IL1RAPL1: variants seen among roughly 807,000 people sequenced by gnomAD.
IL1RAPL1 encodes the protein interleukin-1 receptor accessory protein-like 1.
IL1RAPL1 carries 3 observed loss-of-function variants against 48.4 expected under a neutral mutation model. The ratio of observed to expected loss-of-function variants is 0.06; its 90% CI spans 0.03 to 0.16. The LOEUF is 0.16. Among genes scored for constraint, IL1RAPL1 ranks in the 10% least tolerant of loss-of-function variants. IL1RAPL1 has a pLI of 1.00. For missense variants in IL1RAPL1, 349 were observed against 530.6 expected (o/e 0.66, Z 3.36); for synonymous variants, 185 against 187.7 (o/e 0.99, Z 0.12).
intron 2 of IL1RAPL1, among the ~76,000 whole-genome samples, chrX:29,175,117 G>A (rs1929988954): frequency 9.3e-6 from 1 of 107,518 alleles, no homozygotes; most frequent in Admixed American, 1.0e-4. Context: ...AAAAAAGAAA[G>A]GATCCAGGAG....
chrX:29,548,554 T>C (rs1252125651), intron 5 of IL1RAPL1, among the ~76,000 whole-genome samples: 1 of 112,278 alleles, frequency 8.9e-6, no homozygotes, highest in African/African-American at 3.2e-5. Context: ...ATAACTAATA[T>C]ATGTTTTTAA....
At chrX:29,853,921 C>A (rs1391207210) in intron 6 of IL1RAPL1, among the ~76,000 whole-genome samples, 1 of 112,029 alleles carries the variant, frequency 8.9e-6, no homozygotes, top group East Asian at 2.8e-4. Context: ...ATAGTTTGAA[C>A]TGAGCAACAA....
At chrX:28,693,964 A>C (rs1935204571) in intron 1 of IL1RAPL1, among the ~76,000 whole-genome samples, 1 of 111,798 alleles carries the variant, frequency 8.9e-6, no homozygotes, top group African/African-American at 3.2e-5. Context: ...TCTCCAAATA[A>C]TTTGTCAGGG....
At chrX:28,812,543 TTC>T (rs1048510056) in intron 2 of IL1RAPL1, among the ~76,000 whole-genome samples, 1 of 111,156 alleles carries the variant, frequency 9.0e-6, no homozygotes, top group Non-Finnish European at 1.9e-5. Context: ...AGTAATTCTT[TTC>T]TCTTTTAAAA....
intron 2 of IL1RAPL1, among the ~76,000 whole-genome samples, chrX:29,196,125 C>T (rs1165281634): frequency 1.8e-5 from 2 of 111,984 alleles, no homozygotes; most frequent in Non-Finnish European, 3.8e-5. Context: ...GCTTAAATTT[C>T]CATCCACTAA....
chrX:29,703,592 C>T (rs1005256878), intron 6 of IL1RAPL1, among the ~76,000 whole-genome samples: 1 of 111,889 alleles, frequency 8.9e-6, no homozygotes, highest in African/African-American at 3.2e-5. Context: ...ATCTGCCTGC[C>T]TTGGCCTCCC....
intron 2 of IL1RAPL1, among the ~76,000 whole-genome samples, chrX:28,831,965 A>G (rs747320279): frequency 9.0e-6 from 1 of 111,253 alleles, no homozygotes; most frequent in South Asian, 3.7e-4. Flanking sequence ...ATTCTTTTTT[A>G]TTATTATTTT....
At chrX:29,033,568 A>G (rs1926666462) in intron 2 of IL1RAPL1, among the ~76,000 whole-genome samples, 1 of 111,358 alleles carries the variant, frequency 9.0e-6, no homozygotes, top group Non-Finnish European at 1.9e-5. Flanking sequence ...TCTTTGAATG[A>G]CATTCTTTAA....
In IL1RAPL1 at chrX:29,906,132, C is replaced by T. The variant is rs777072702; in HGVS notation, c.779-11332C>T. 2.0e-4 allele frequency among the ~76,000 whole-genome samples: 22 copies of T among 108,262 alleles called. 1 individual carries two copies. The highest frequency in any genetic ancestry group is 4.1e-4 in the South Asian group (1 of 2,421). 94.0% of individuals were successfully genotyped at this position (108,262 alleles called of 115,157 possible). On this transcript the variant is annotated intron_variant, in intron 6 of 10. Transcript: ENST00000378993. ...CAGGTGGATCACGAGGTCAGGAGAT[C>T]GAGACCATCCTGGCTAACACGGTGA...
chrX:29,124,755 A>G (rs905078939), intron 2 of IL1RAPL1, among the ~76,000 whole-genome samples: 2 of 112,360 alleles, frequency 1.8e-5, no homozygotes, highest in Non-Finnish European at 3.8e-5. Context: ...AGCATATAAA[A>G]GAATAAGAAA....
chrX:28,902,664 C>T lies in IL1RAPL1; in HGVS notation c.82+113239C>T, dbSNP rs182995915. On this transcript the variant is annotated intron_variant, in intron 2 of 10. Transcript: ENST00000378993. ...TCAAAACTAAGGGAAAAAATGAGGA[C>T]AGGAAGTACTTTTTTATTACTCATG... Among the ~76,000 whole-genome samples, 5 of 111,727 alleles carry T rather than the reference C, an allele frequency of 4.5e-5. No homozygotes were observed. In the South Asian group the frequency reaches 1.9e-3, roughly 41 times the overall value.
At chrX:29,103,450 G>A (rs960605248) in intron 2 of IL1RAPL1, among the ~76,000 whole-genome samples, 1 of 111,652 alleles carries the variant, frequency 9.0e-6, no homozygotes, top group African/African-American at 3.3e-5. Context: ...CCTCTATCTC[G>A]ACCATTTACA....
chrX:29,899,821 G>A (rs1390262264), intron 6 of IL1RAPL1, among the ~76,000 whole-genome samples: 1 of 111,563 alleles, frequency 9.0e-6, no homozygotes, highest in Non-Finnish European at 1.9e-5. Flanking sequence ...TGGGATTACA[G>A]GCGTGAGCCA....
At chrX:29,492,735 A>AAAG (rs2147754640) in intron 5 of IL1RAPL1, among the ~76,000 whole-genome samples, 1 of 112,121 alleles carries the variant, frequency 8.9e-6, no homozygotes, top group East Asian at 2.8e-4. Context: ...TCACATTTTC[A>AAAG]AAGTCCCTTT....
At position 28,922,972 on chromosome X, in the gene IL1RAPL1, A is replaced by G. The variant is rs758327163; in HGVS notation, c.82+133547A>G. On this transcript the variant is annotated intron_variant, in intron 2 of 10. Transcript: ENST00000378993. The stretch of plus-strand genomic sequence containing the variant: ...GTGACCTGTAAATCTGTTAAATTAA[A>G]TACTTGGGAGTAAATTTACTTTTAC... 2.1e-4 allele frequency among the ~76,000 whole-genome samples: 24 copies of G among 112,057 alleles called. No homozygotes were observed. In the South Asian group the frequency reaches 8.5e-3, roughly 40 times the overall value.
At chrX:29,920,794 CAAAAA>C (rs1176529100) in intron 8 of IL1RAPL1, among the ~76,000 whole-genome samples, 32 of 31,613 alleles carry the variant, frequency 1.0e-3, no homozygotes, top group African/African-American at 1.3e-3. Context: ...GACCCTGTCT[CAAAAA>C]AAAAAAAAAA....
intron 5 of IL1RAPL1, among the ~76,000 whole-genome samples, chrX:29,453,747 A>T (rs1934707035): frequency 8.9e-6 from 1 of 112,066 alleles, no homozygotes; most frequent in South Asian, 3.7e-4. Flanking sequence ...TTGTGCAATT[A>T]TGGTTGAGAC....
chrX:29,303,361 C>T lies in IL1RAPL1; in HGVS notation c.362+20144C>T, dbSNP rs536825611. Among the ~76,000 whole-genome samples the T allele has an allele frequency of 9.2e-4, 103 of 111,630 alleles. No individual in the cohort carries two copies. The Middle Eastern group carries it at 0.019, about 20-fold the overall frequency. On this transcript the variant is annotated intron_variant, in intron 3 of 10. Coordinates refer to ENST00000378993, the MANE Select transcript of IL1RAPL1 (RefSeq NM_014271.4). ...GGGGTAAATTATGAATGATGACTTT[C>T]CAGAGAGTAGACAGATGTTGATGAT...
rs190681065 is a variant in IL1RAPL1 at position 29,676,361 on chromosome X, T to C, written c.778+7857T>C. 2.9e-3 allele frequency among the ~76,000 whole-genome samples: 326 copies of C among 112,317 alleles called. 2 individuals are homozygous for C. The highest frequency in any genetic ancestry group is 9.9e-3 in the African/African-American group (306 of 31,020). ...TGCATTTTGAATGTCAATGCTTATTTGATCATGCTTATATTCTTACTACAG... is the reference window on the plus strand; with the variant it reads ...TGCATTTTGAATGTCAATGCTTATTCGATCATGCTTATATTCTTACTACAG... On this transcript the variant is annotated intron_variant, in intron 6 of 10. Transcript: ENST00000378993.
Sources: allele counts gnomAD v4.1 joint callset (sites outside exome capture counted in the v4.1 genomes callset), GRCh38; gene constraint gnomAD v4.1.1; transcripts MANE v1.5; gene names NCBI Gene and HGNC (gene_info 2026-07-23, HGNC 2026-07-21).